Variants in STAG1 observed in about 807,000 individuals in gnomAD.
The protein encoded by STAG1 is STAG1 cohesin complex component.
A neutral mutation model predicts 170.9 loss-of-function variants in STAG1; 26 were observed. That is an observed-to-expected ratio of 0.15 (90% CI 0.11 to 0.21). The LOEUF (loss-of-function observed/expected upper bound fraction) is 0.21. STAG1 is among the 10% of genes least tolerant of loss of function. STAG1 has a pLI of 1.00. For missense variants in STAG1, 964 were observed against 1,509.5 expected, an observed-to-expected ratio of 0.64 and a Z score of 5.99; for synonymous variants, 514 against 497.7, an observed-to-expected ratio of 1.03 and a Z score of -0.44.
chr3:136,637,450 C>T (rs1289945454), intron 1 of STAG1, among the ~76,000 whole-genome samples: 2 of 152,154 alleles, frequency 1.3e-5, no homozygotes, highest in Non-Finnish European at 2.9e-5. Flanking sequence ...AATGGGATAG[C>T]GATGAGGTTC....
chr3:136,430,448 T>C (rs1437036458), intron 16 of STAG1, among the ~76,000 whole-genome samples: 1 of 152,116 alleles, frequency 6.6e-6, no homozygotes, highest in Non-Finnish European at 1.5e-5. Flanking sequence ...CCATATCTTT[T>C]TCCCTTTTGT....
intron 1 of STAG1, among the ~76,000 whole-genome samples, chr3:136,748,656 C>G (rs113248290): frequency 4.6e-5 from 7 of 152,216 alleles, no homozygotes; most frequent in African/African-American, 1.4e-4. Flanking sequence ...CCCACCTCGG[C>G]CTCCCAAAGT....
intron 15 of STAG1, among the ~76,000 whole-genome samples, chr3:136,439,104 G>A (rs1189021734): frequency 6.8e-6 from 1 of 147,526 alleles, no homozygotes; most frequent in African/African-American, 2.5e-5. Context: ...GCTGACACAT[G>A]AGAATCGCTT....
chr3:136,516,818 G>A (rs1934402710), intron 7 of STAG1, among the ~76,000 whole-genome samples: 2 of 152,160 alleles, frequency 1.3e-5, no homozygotes, highest in South Asian at 4.1e-4. Flanking sequence ...TGCAAATAAA[G>A]AGAGTAAGAC....
intron 21 of STAG1, among the ~76,000 whole-genome samples, chr3:136,415,515 T>G (rs2087746020): frequency 6.6e-6 from 1 of 152,120 alleles, no homozygotes; most frequent in South Asian, 2.1e-4. Flanking sequence ...GTTGGAACCT[T>G]AAAAAGTGAG....
At chr3:136,376,187 CTATT>C (rs1353269474) in intron 23 of STAG1, among the ~76,000 whole-genome samples, 1 of 148,050 alleles carries the variant, frequency 6.8e-6, no homozygotes, top group Non-Finnish European at 1.5e-5. Context: ...ATACTTGTCA[CTATT>C]TATAAGAGAC....
chr3:136,421,271 T>G, intron 19 of STAG1, 108 bp from the exon 20 acceptor site: 1 of 511,904 alleles, frequency 2.0e-6, no homozygotes, highest in Non-Finnish European at 3.2e-6. Flanking sequence ...TAGTATATAT[T>G]CATTGTAGAT....
intron 6 of STAG1, among the ~76,000 whole-genome samples, chr3:136,526,021 T>A (rs1292923126): frequency 1.3e-5 from 2 of 152,224 alleles, no homozygotes; most frequent in Non-Finnish European, 2.9e-5. Context: ...TCCAACTATG[T>A]GGTCAATTTT....
chr3:136,557,922 T>C lies in STAG1; in HGVS notation c.394+10843A>G, dbSNP rs140286075. The stretch of plus-strand genomic sequence containing the variant: ...TACACTTAAAAATTTAAAACTCATG[T>C]TCATTCATTCTTTCAATAAATAATT... On this transcript the variant is annotated intron_variant, in intron 5 of 33. Transcript: ENST00000383202. Among the ~76,000 whole-genome samples, 38 of 152,220 alleles carry C rather than the reference T, an allele frequency of 2.5e-4. No homozygotes were observed. The East Asian group carries it at 6.9e-3, about 28-fold the overall frequency.
chr3:136,696,141 CAA>C (rs1347362341), intron 1 of STAG1, among the ~76,000 whole-genome samples: 8 of 152,088 alleles, frequency 5.3e-5, no homozygotes, highest in African/African-American at 1.9e-4. Flanking sequence ...TTGACATTAG[CAA>C]AGTTTTTCTG....
At chr3:136,425,655 C>G (rs1485276944) in intron 16 of STAG1, among the ~76,000 whole-genome samples, 1 of 150,228 alleles carries the variant, frequency 6.7e-6, no homozygotes, top group Non-Finnish European at 1.5e-5. Flanking sequence ...GGTCAAATAC[C>G]AATATGAATG....
At chr3:136,686,108 A>G (rs572156198) in intron 1 of STAG1, among the ~76,000 whole-genome samples, 3 of 152,168 alleles carry the variant, frequency 2.0e-5, no homozygotes, top group South Asian at 4.1e-4. Flanking sequence ...TGGCCTTAAG[A>G]TTACAGCAGG....
intron 6 of STAG1, among the ~76,000 whole-genome samples, chr3:136,522,918 A>G (rs1934760139): frequency 1.3e-5 from 2 of 152,074 alleles, no homozygotes; most frequent in African/African-American, 2.4e-5. Flanking sequence ...TTATGGCTGC[A>G]TATTATTCCA....
intron 5 of STAG1, among the ~76,000 whole-genome samples, chr3:136,559,692 T>C (rs1936760361): frequency 6.6e-6 from 1 of 152,232 alleles, no homozygotes; most frequent in Non-Finnish European, 1.5e-5. Flanking sequence ...ATTTGTCAAG[T>C]ACCACAGGAA....
At chr3:136,486,837 G>A (rs1199771459) in intron 9 of STAG1, among the ~76,000 whole-genome samples, 2 of 151,862 alleles carry the variant, frequency 1.3e-5, no homozygotes, top group African/African-American at 2.4e-5. Flanking sequence ...TTACCTTTAC[G>A]TCTTCAGCAG....
intron 2 of STAG1, 91 bp from the exon 3 acceptor site, chr3:136,623,339 AT>A: frequency 8.8e-7 from 1 of 1,138,928 alleles, no homozygotes; most frequent in Non-Finnish European, 1.3e-6. Context: ...TATATGGCTG[AT>A]TAGAAGTGGT....
chr3:136,423,518 TCA>T (rs2088021087), intron 16 of STAG1, among the ~76,000 whole-genome samples: 1 of 152,220 alleles, frequency 6.6e-6, no homozygotes, highest in African/African-American at 2.4e-5. Context: ...GTAACTAAAC[TCA>T]CAAATCTGTT....
At chr3:136,515,767 TA>T (rs1559852207) in intron 7 of STAG1, among the ~76,000 whole-genome samples, 1 of 152,150 alleles carries the variant, frequency 6.6e-6, no homozygotes, top group African/African-American at 2.4e-5. Context: ...TTCAAAAAAG[TA>T]ATTACATTTT....
At chr3:136,653,633 G>C (rs1365297762) in intron 1 of STAG1, among the ~76,000 whole-genome samples, 2 of 152,176 alleles carry the variant, frequency 1.3e-5, no homozygotes, top group African/African-American at 4.8e-5. Flanking sequence ...ATGTGGCATT[G>C]AGTGGTTGGC....
Sources: allele counts gnomAD v4.1 joint callset (sites outside exome capture counted in the v4.1 genomes callset), GRCh38; gene constraint gnomAD v4.1.1; transcripts MANE v1.5; gene names NCBI Gene and HGNC (gene_info 2026-07-23, HGNC 2026-07-21).